Variants in EEF2K observed in about 807,000 individuals in gnomAD.
EEF2K encodes alternative protein EEF2K.
EEF2K carries 70 observed loss-of-function variants against 93.8 expected under a neutral mutation model. The observed-to-expected ratio is 0.75, with a 90% CI of 0.62 to 0.91. The LOEUF (loss-of-function observed/expected upper bound fraction) is 0.91. EEF2K is among the 40% of genes least tolerant of loss of function. The probability of loss-of-function intolerance (pLI) is 0.00; values close to 1 mark genes in which losing one functional copy is unlikely to be tolerated. For synonymous variants in EEF2K, 376 were observed against 380.8 expected (o/e 0.99, Z 0.15); for missense variants, 935 against 972.9 (o/e 0.96, Z 0.52).
chr16:22,252,508 A>G (rs1421594467), intron 6 of EEF2K, among the ~76,000 whole-genome samples: 1 of 152,200 alleles, frequency 6.6e-6, no homozygotes, highest in Non-Finnish European at 1.5e-5. Flanking sequence ...TGCCGAGCCA[A>G]TCACAGTGGC....
intron 16 of EEF2K, among the ~76,000 whole-genome samples, chr16:22,278,216 AAAAAG>A (rs1598208473): frequency 6.6e-6 from 1 of 152,226 alleles, no homozygotes; most frequent in East Asian, 1.9e-4. Flanking sequence ...CAAGAAAAGA[AAAAAG>A]AGAGAGCAAA....
At chr16:22,257,969 A>G (rs951091604) in intron 9 of EEF2K, among the ~76,000 whole-genome samples, 199 bp downstream of exon 9, 5 of 152,046 alleles carry the variant, frequency 3.3e-5, no homozygotes, top group Non-Finnish European at 7.4e-5. Flanking sequence ...CGTCCTTCCA[A>G]TCGAGCAGCT....
Position 22,280,362 on chromosome 16 carries a change from A to G in EEF2K, c.2054A>G (p.Asp685Gly). The change falls in exon 17 of 18, where the codon GAC (aspartate) becomes GGC (glycine). Residue 685 changes from aspartate to glycine, a missense_variant. Coordinates refer to ENST00000263026, the MANE Select transcript of EEF2K (RefSeq NM_013302.5). The stretch of plus-strand genomic sequence containing the variant: ...ACAGGAGGCTACGGGCTGGAGAAGG[A>G]CCCGCAGAGATCAGGTAGGGCCTGG... ...LFTGGYGLEK[D>G]PQRSGDLYTQ... 1.9e-6 allele frequency: 3 copies of G among 1,573,552 alleles called. No individual in the cohort carries two copies. The highest frequency in any genetic ancestry group is 1.2e-5 in the South Asian group (1 of 84,570).
chr16:22,212,479 C>A (rs2046924297), intron 1 of EEF2K, among the ~76,000 whole-genome samples: 1 of 152,098 alleles, frequency 6.6e-6, no homozygotes, highest in African/African-American at 2.4e-5. Context: ...TACACACCAC[C>A]ACACCCAGCT....
chr16:22,215,807 C>T (rs2046952598), intron 1 of EEF2K, among the ~76,000 whole-genome samples: 1 of 152,126 alleles, frequency 6.6e-6, no homozygotes, highest in Middle Eastern at 3.2e-3. Flanking sequence ...TGCCTGTAAT[C>T]CCAGCTACTC....
In EEF2K at chr16:22,263,201, A is replaced by G. The variant is rs747441070; in HGVS notation, c.1377+14A>G. 69 of 1,606,804 alleles carry G rather than the reference A, an allele frequency of 4.3e-5. No individual in the cohort carries two copies. The South Asian group carries it at 7.1e-4, about 16-fold the overall frequency. On this transcript the variant is annotated intron_variant, in intron 12 of 17. Coordinates refer to ENST00000263026, the MANE Select transcript of EEF2K (RefSeq NM_013302.5). ...CCCCGAGAACATGTAAGGAACCCCC[A>G]GGAAATGAGACCGGTGTCACCTGTT...
chr16:22,231,616 G>T (rs1301513630), intron 2 of EEF2K, among the ~76,000 whole-genome samples: 3 of 152,010 alleles, frequency 2.0e-5, no homozygotes, highest in Non-Finnish European at 4.4e-5. Context: ...TGGAGAAAAA[G>T]ATGTTGTTAA....
At chr16:22,254,666 C>CA (rs1281519219) in intron 6 of EEF2K, among the ~76,000 whole-genome samples, 3 of 151,892 alleles carry the variant, frequency 2.0e-5, no homozygotes, top group East Asian at 1.9e-4. Flanking sequence ...TTTATAAAAA[C>CA]AAAAAAAATT....
In EEF2K at chr16:22,266,783, C is replaced by T. The variant is rs147445610; in HGVS notation, c.1671C>T (p.His557=). The change falls in exon 15 of 18, where the codon CAC becomes CAT. Residue 557 remains histidine (H), a synonymous_variant. Coordinates refer to ENST00000263026, the MANE Select transcript of EEF2K (RefSeq NM_013302.5). ...DQESAVFHLE[H]AANLGELEAI... Reference sequence around the variant, plus strand: ...AGTCGGCTGTCTTCCACCTGGAGCACGCAGCCAACCTGGGCGAGCTGGAGG... The same window carrying T: ...AGTCGGCTGTCTTCCACCTGGAGCATGCAGCCAACCTGGGCGAGCTGGAGG... 3.0e-5 allele frequency: 48 copies of T among 1,614,096 alleles called. No individual in the cohort carries two copies. The highest frequency in any genetic ancestry group is 6.7e-5 in the East Asian group (3 of 44,902).
chr16:22,245,892 G>A (rs1315908801), intron 3 of EEF2K, among the ~76,000 whole-genome samples: 1 of 152,166 alleles, frequency 6.6e-6, no homozygotes, highest in Non-Finnish European at 1.5e-5. Flanking sequence ...CAGCTCTGCA[G>A]TGGACACCAG....
chr16:22,282,333 G>A (rs1218983489), intron 17 of EEF2K, among the ~76,000 whole-genome samples: 1 of 152,202 alleles, frequency 6.6e-6, no homozygotes, highest in Non-Finnish European at 1.5e-5. Flanking sequence ...TCTCCTGGAT[G>A]CAAGTGGGGA....
intron 17 of EEF2K, among the ~76,000 whole-genome samples, chr16:22,281,801 T>C (rs929897910): frequency 2.6e-5 from 4 of 152,234 alleles, no homozygotes; most frequent in African/African-American, 9.6e-5. Flanking sequence ...AAGTGTGTTA[T>C]CAGTACTTCA....
intron 2 of EEF2K, among the ~76,000 whole-genome samples, chr16:22,242,471 C>T (rs2047232496): frequency 1.3e-5 from 2 of 151,834 alleles, no homozygotes; most frequent in African/African-American, 4.8e-5. Context: ...CACGTATGCA[C>T]CCAGCTTTTT....
Position 22,256,861 on chromosome 16 carries a change from C to G in EEF2K, c.732C>G (p.Gly244=), listed in dbSNP as rs752042417. Reference sequence around the variant, plus strand: ...ACATCAAGTACAACTCCAACTCTGGCTTTGTCCGCGATGACAACATCCGCC... The same window carrying G: ...ACATCAAGTACAACTCCAACTCTGGGTTTGTCCGCGATGACAACATCCGCC... ...GKYIKYNSNS[G]FVRDDNIRLT... is the part of the protein sequence containing the mutation. Residue 244 remains glycine (G), a synonymous_variant, in exon 7 of 18, where the codon GGC becomes GGG. Transcript: ENST00000263026. 2.5e-6 allele frequency: 4 copies of G among 1,614,198 alleles called. No individual in the cohort carries two copies. The highest frequency in any genetic ancestry group is 3.4e-6 in the Non-Finnish European group (4 of 1,180,040).
intron 9 of EEF2K, 98 bp downstream of exon 9, chr16:22,257,868 T>C: frequency 6.6e-7 from 1 of 1,515,066 alleles, no homozygotes; most frequent in South Asian, 1.2e-5. Flanking sequence ...GGTCAAGCAG[T>C]GCTTAACTGA....
chr16:22,244,784 C>A, intron 3 of EEF2K, 54 bp downstream of exon 3: 1 of 1,584,196 alleles, frequency 6.3e-7, no homozygotes, highest in Admixed American at 1.7e-5. Flanking sequence ...CGTCCAGCTT[C>A]TGTTCCCAAT....
In EEF2K at chr16:22,256,833, A is replaced by G; in HGVS notation, c.704A>G (p.Lys235Arg). ...CACCTGGAGCACTACATCGAGGGCA[A>G]GTACATCAAGTACAACTCCAACTCT... is the stretch of plus-strand genomic sequence containing the variant. ...LFHLEHYIEGKYIKYNSNSGF... is the reference protein window; with the variant it reads ...LFHLEHYIEGRYIKYNSNSGF... Residue 235 changes from lysine to arginine, a missense_variant, in exon 7 of 18, where the codon AAG becomes AGG. Transcript: ENST00000263026. 1 of 1,614,202 alleles carries G rather than the reference A, an allele frequency of 6.2e-7. No homozygotes were observed. Among genetic ancestry groups the G allele is most frequent in the Non-Finnish European group, 8.5e-7 (1 of 1,180,030 alleles).
chr16:22,249,120 C>A (rs2047324101), intron 4 of EEF2K, among the ~76,000 whole-genome samples: 1 of 151,710 alleles, frequency 6.6e-6, no homozygotes. Context: ...CAAGTACACA[C>A]CACCACTCCT....
intron 2 of EEF2K, among the ~76,000 whole-genome samples, chr16:22,238,259 C>T (rs1446933465): frequency 6.6e-6 from 1 of 152,156 alleles, no homozygotes; most frequent in Non-Finnish European, 1.5e-5. Flanking sequence ...TGCACTCCAG[C>T]CTGGACGACA....
Sources: gnomAD v4.1 joint callset for allele counts (sites outside exome capture counted in the v4.1 genomes callset) on GRCh38, gnomAD v4.1.1 for gene constraint, MANE v1.5 for transcripts, NCBI Gene and HGNC (gene_info 2026-07-23, HGNC 2026-07-21) for gene names.